Variants in KIR2DL1 observed in about 807,000 individuals in gnomAD.
KIR2DL1 encodes killer cell immunoglobulin-like receptor 2DL1.
In KIR2DL1, 38 loss-of-function variants were observed where a neutral mutation model predicts 33.9. The ratio of observed to expected loss-of-function variants is 1.12; its 90% CI spans 0.86 to 1.47. The LOEUF is 1.47. Among genes scored for constraint, KIR2DL1 ranks in the 40% most tolerant of loss-of-function variants. KIR2DL1 has a pLI of 0.00. For missense variants in KIR2DL1, 531 were observed against 433.9 expected (o/e 1.22, Z -1.99); for synonymous variants, 179 against 165.9 (o/e 1.08, Z -0.61).
intron 6 of KIR2DL1, among the ~76,000 whole-genome samples, 162 bp downstream of exon 6, chr19:54,783,185 C>T (rs75387033): frequency 0.011 from 1,623 of 151,750 alleles, 38 homozygotes; most frequent in African/African-American, 0.035. Context: ...CCTGTCCCTG[C>T]CTTCAACTCA....
intron 4 of KIR2DL1, among the ~76,000 whole-genome samples, chr19:54,777,652 A>G (rs202144282): frequency 0.073 from 7,655 of 104,972 alleles, 17 homozygotes; most frequent in South Asian, 0.15. Flanking sequence ...TATTTTTAGC[A>G]GTGCTGAAGT....
At chr19:54,780,359 A>G (rs1478838934) in intron 5 of KIR2DL1, among the ~76,000 whole-genome samples, 2 of 133,948 alleles carry the variant, frequency 1.5e-5, no homozygotes, top group Non-Finnish European at 3.3e-5. Context: ...TCAGCCATGA[A>G]GGCACAAAGG....
rs928991258 is a variant in KIR2DL1, at chr19:54,781,347, A to C, written c.716-1575A>C. On this transcript the variant is annotated intron_variant, in intron 5 of 7. Coordinates refer to ENST00000336077, the MANE Select transcript of KIR2DL1 (RefSeq NM_014218.3). ...CTTCCCTATTTGGCTTTCTGTGAGC[A>C]TGAGATCATATAGAAAATGTGAAAG... Among the ~76,000 whole-genome samples the C allele has an allele frequency of 8.7e-5, 13 of 150,082 alleles. No individual in the cohort carries two copies. In the South Asian group the frequency reaches 1.9e-3, roughly 22 times the overall value.
Position 54,773,643 on chromosome 19 carries a change from C to T in KIR2DL1, c.370+11C>T, listed in dbSNP as rs1328181980. Reference sequence around the variant, plus strand: ...ACATCGTGATCATAGGTGAGAGTGTCCAGACTTTCTTCTCATTGTCATTGG... The same window carrying T: ...ACATCGTGATCATAGGTGAGAGTGTTCAGACTTTCTTCTCATTGTCATTGG... On this transcript the variant is annotated intron_variant, in intron 3 of 7. Transcript: ENST00000336077. 2 of 1,560,596 alleles carry T rather than the reference C, an allele frequency of 1.3e-6. No individual in the cohort carries two copies. Among genetic ancestry groups the T allele is most frequent in the Admixed American group, 1.7e-5 (1 of 57,810 alleles).
Position 54,775,298 on chromosome 19 carries a change from A to G in KIR2DL1, c.504A>G (p.Glu168=), listed in dbSNP as rs771688990. 1 of 1,599,864 alleles carries G rather than the reference A, an allele frequency of 6.3e-7. No homozygotes were observed. Among genetic ancestry groups the G allele is most frequent in the East Asian group, 2.2e-5 (1 of 44,846 alleles). The change falls in exon 4 of 8, where the codon GAA becomes GAG. Residue 168 remains glutamate, a synonymous_variant. Transcript: ENST00000336077. The part of the protein sequence containing the change: ...YHLSREGEAH[E]RRLPAGPKVN... Reference sequence around the variant, plus strand: ...TATCCAGGGAAGGGGAGGCCCATGAACGTAGGCTCCCTGCAGGGCCCAAGG... The same window carrying G: ...TATCCAGGGAAGGGGAGGCCCATGAGCGTAGGCTCCCTGCAGGGCCCAAGG...
chr19:54,771,574 C>A (rs539957134), intron 2 of KIR2DL1, among the ~76,000 whole-genome samples: 1 of 147,488 alleles, frequency 6.8e-6, no homozygotes, highest in Non-Finnish European at 1.5e-5. Flanking sequence ...GGCGGCTCCA[C>A]ATCCTCCTCT....
intron 2 of KIR2DL1, among the ~76,000 whole-genome samples, chr19:54,771,841 C>G (rs1311029473): frequency 6.8e-6 from 1 of 147,940 alleles, no homozygotes; most frequent in East Asian, 1.9e-4. Context: ...CACAACCACA[C>G]TACCCCAGTG....
chr19:54,779,730 G>A (rs2076747577), intron 5 of KIR2DL1, among the ~76,000 whole-genome samples: 1 of 149,270 alleles, frequency 6.7e-6, no homozygotes, highest in African/African-American at 2.5e-5. Flanking sequence ...TTTGGGGTGG[G>A]ACAGCATTCT....
chr19:54,779,634 C>T (rs1743317), intron 5 of KIR2DL1, among the ~76,000 whole-genome samples: 31,136 of 129,326 alleles, frequency 0.24, 1,079 homozygotes, highest in South Asian at 0.35. Flanking sequence ...AGCTGATTAG[C>T]AACCATAATT....
chr19:54,782,930 C>G lies in KIR2DL1; in HGVS notation c.724C>G (p.Arg242Gly), dbSNP rs149300913. The part of the protein sequence containing the change: ...TEPSSKTGNP[R>G]HLHILIGTSV... ...GTCTCATCTTCTTCCAGGTAACCCC[C>G]GACACCTGCACATTCTGATTGGGAC... Residue 242 changes from arginine (R) to glycine (G), a missense_variant, in exon 6 of 8, where the codon CGA becomes GGA. Physicochemically the swap from Arg to Gly is moderately radical, Grantham distance 125. Transcript: ENST00000336077. 1.9e-6 allele frequency: 3 copies of G among 1,611,254 alleles called. No individual in the cohort carries two copies. Among genetic ancestry groups the G allele is most frequent in the African/African-American group, 2.7e-5 (2 of 74,572 alleles).
rs2075944567 is a variant in KIR2DL1, at chr19:54,773,109, G to A, written c.71-224G>A. On this transcript the variant is annotated intron_variant, in intron 2 of 7. Transcript: ENST00000336077. ...AGCCCAAGAGATGAGGCTGAGCCCAGCGGCAAGGGAATCAGAGGCTACTAG... is the reference window on the plus strand; with the variant it reads ...AGCCCAAGAGATGAGGCTGAGCCCAACGGCAAGGGAATCAGAGGCTACTAG... Among the ~76,000 whole-genome samples the A allele has an allele frequency of 2.7e-5, 4 of 148,682 alleles. 1 individual carries two copies. The South Asian group carries it at 8.5e-4, about 32-fold the overall frequency.
At position 54,778,161 on chromosome 19, in the gene KIR2DL1, G is replaced by C. The variant is rs569619604; in HGVS notation, c.665-451G>C. ...CTGTAATACCACTACTCAGGAATTT[G>C]AGGCAAGAGAATGATTGAACCCAGG... On this transcript the variant is annotated intron_variant, in intron 4 of 7. Coordinates refer to ENST00000336077, the MANE Select transcript of KIR2DL1 (RefSeq NM_014218.3). Among the ~76,000 whole-genome samples, 8 of 148,550 alleles carry C rather than the reference G, an allele frequency of 5.4e-5. No homozygotes were observed. The East Asian group carries it at 1.6e-3, about 29-fold the overall frequency.
chr19:54,770,668 A>ATATGGG (rs2075597280), intron 1 of KIR2DL1, among the ~76,000 whole-genome samples, 181 bp from the exon 2 acceptor site: 7 of 139,698 alleles, frequency 5.0e-5, no homozygotes, highest in African/African-American at 1.9e-4. Flanking sequence ...GGGGATATGG[A>ATATGGG]CCTGGAGGCT....
rs1370564841 is a variant in KIR2DL1 at position 54,773,249 on chromosome 19, G to C, written c.71-84G>C. ...AGGAAGGAGAGAGATAAGACACCAG[G>C]AAGGGGAAGCCTGACTCAATCCAGG... On this transcript the variant is annotated intron_variant, in intron 2 of 7. Coordinates refer to ENST00000336077, the MANE Select transcript of KIR2DL1 (RefSeq NM_014218.3). The C allele has an allele frequency of 1.6e-5, 22 of 1,401,480 alleles. 1 individual carries two copies. Among genetic ancestry groups the C allele is most frequent in the East Asian group, 1.2e-4 (5 of 42,772 alleles). 86.8% of individuals were successfully genotyped at this position (1,401,480 alleles called of 1,614,324 possible). A position where few individuals can be genotyped will look rare whatever the true frequency, so the allele number is the denominator to read the frequency against.
intron 5 of KIR2DL1, among the ~76,000 whole-genome samples, chr19:54,782,214 G>C (rs1313077958): frequency 6.7e-6 from 1 of 149,738 alleles, no homozygotes; most frequent in South Asian, 2.1e-4. Context: ...ACTGCATGAC[G>C]TCCTCCAGGA....
At chr19:54,770,426 G>A (rs1400612567) in intron 1 of KIR2DL1, among the ~76,000 whole-genome samples, 2 of 142,022 alleles carry the variant, frequency 1.4e-5, no homozygotes, top group Non-Finnish European at 3.1e-5. Context: ...ACGGGCCTGG[G>A]TGTGGAGATA....
chr19:54,781,754 G>T (rs939096382), intron 5 of KIR2DL1, among the ~76,000 whole-genome samples: 1 of 152,190 alleles, frequency 6.6e-6, no homozygotes, highest in East Asian at 1.9e-4. Context: ...CTGGCCGTTT[G>T]ACATAAGAGA....
In KIR2DL1 at chr19:54,774,114, C is replaced by T. The variant is rs1435051719; in HGVS notation, c.370+482C>T. ...TGCCTTCCATGTAATGGAGAGTAAT[C>T]GTCCCAGGATATCATGGCCCCACAA... On this transcript the variant is annotated intron_variant, in intron 3 of 7. Transcript: ENST00000336077. Among the ~76,000 whole-genome samples, 11 of 148,792 alleles carry T rather than the reference C, an allele frequency of 7.4e-5. 1 individual carries two copies. The highest frequency in any genetic ancestry group is 2.2e-4 in the African/African-American group (9 of 40,834).
intron 5 of KIR2DL1, 56 bp from the exon 6 acceptor site, chr19:54,782,866 T>C (rs529293183): frequency 1.9e-6 from 3 of 1,573,668 alleles, no homozygotes; most frequent in African/African-American, 1.3e-5. Flanking sequence ...TGCGAGACAA[T>C]TCATAAAGAG....
Sources: gnomAD v4.1 joint callset for allele counts (sites outside exome capture counted in the v4.1 genomes callset) on GRCh38, gnomAD v4.1.1 for gene constraint, MANE v1.5 for transcripts, NCBI Gene and HGNC (gene_info 2026-07-23, HGNC 2026-07-21) for gene names.